TALDO1: variants seen among roughly 807,000 people sequenced by gnomAD.
TALDO1 encodes transaldolase.
A neutral mutation model predicts 38.1 loss-of-function variants in TALDO1; 29 were observed. The observed-to-expected ratio is 0.76, with a 90% CI of 0.57 to 1.04. The LOEUF is 1.04. TALDO1 is among the 50% of genes least tolerant of loss of function. The pLI is 0.00. For synonymous variants in TALDO1, 207 were observed against 176.8 expected, an observed-to-expected ratio of 1.17 and a Z score of -1.36; for missense variants, 499 against 438.1, an observed-to-expected ratio of 1.14 and a Z score of -1.24.
In TALDO1 at chr11:763,750, TAA is replaced by T. The variant is rs1259081430; in HGVS notation, c.643_644del (p.Lys215GlufsTer4). 1.9e-6 allele frequency: 3 copies of T among 1,613,690 alleles called. No individual in the cohort carries two copies. The highest frequency in any genetic ancestry group is 2.5e-6 in the Non-Finnish European group (3 of 1,179,906). On this transcript the variant is annotated frameshift_variant, in exon 6 of 8. Coordinates refer to ENST00000319006, the MANE Select transcript of TALDO1 (RefSeq NM_006755.2). LOFTEE classifies it high-confidence loss of function. ...TCACAGCTTGGTCTCTTTCCAGGGG[TAA>T]AGAGTGTCACTAAAATCTACAACTA... is the stretch of plus-strand genomic sequence containing the variant.
Position 762,516 on chromosome 11 carries a change from A to C in TALDO1, c.462-828A>C, listed in dbSNP as rs145267165. 6.6e-4 allele frequency among the ~76,000 whole-genome samples: 100 copies of C among 152,318 alleles called. No individual in the cohort carries two copies. In the Middle Eastern group the frequency reaches 0.017, roughly 26 times the overall value. On this transcript the variant is annotated intron_variant, in intron 4 of 7. Coordinates refer to ENST00000319006, the MANE Select transcript of TALDO1 (RefSeq NM_006755.2). ...ATGTGTTTTTGTTTCTCGTGGGCAT[A>C]TGCCTAGGAGTGGAGTCTCTGGGTG...
chr11:759,149 C>CCATG, intron 3 of TALDO1, 92 bp downstream of exon 3: 1 of 1,100,276 alleles, frequency 9.1e-7, no homozygotes, highest in Non-Finnish European at 1.4e-6. Flanking sequence ...GCTGCTCCAC[C>CCATG]CATGGTCTTC....
chr11:763,632 G>C, intron 5 of TALDO1, 113 bp downstream of exon 5: 1 of 1,570,652 alleles, frequency 6.4e-7, no homozygotes, highest in Non-Finnish European at 8.8e-7. Context: ...GCACAGGTCG[G>C]CGCGGGGCAG....
intron 1 of TALDO1, 105 bp downstream of exon 1, chr11:747,683 G>T: frequency 3.0e-6 from 3 of 1,007,730 alleles, no homozygotes; most frequent in Non-Finnish European, 4.2e-6. Flanking sequence ...GGGTGGCGGT[G>T]CCCCGGGCGG....
chr11:763,307 CTCACCT>C lies in TALDO1; in HGVS notation c.462-36_462-31del. ...GCCCCCGCCCTCACCTGTCCCCGCC[CTCACCT>C]GCCCCGCCCTCACCTGTCCCCGCCC... On this transcript the variant is annotated intron_variant, in intron 4 of 7. Coordinates refer to ENST00000319006, the MANE Select transcript of TALDO1 (RefSeq NM_006755.2). 3 of 756,904 alleles carry C rather than the reference CTCACCT, an allele frequency of 4.0e-6. 1 individual carries two copies. Among genetic ancestry groups the C allele is most frequent in the Non-Finnish European group, 5.3e-6 (3 of 566,266 alleles). 46.9% of individuals were successfully genotyped at this position (756,904 alleles called of 1,614,324 possible).
intron 3 of TALDO1, 129 bp from the exon 4 acceptor site, chr11:759,993 T>G: frequency 7.6e-7 from 1 of 1,316,280 alleles, no homozygotes; most frequent in Non-Finnish European, 1.1e-6. Flanking sequence ...GAGGGGAAGG[T>G]TGAGGGCAGT....
rs1481836219 is a variant in TALDO1 at position 755,802 on chromosome 11, T to C, written c.98-77T>C. ...TGGACTCCCCTAACGTCCTGGGGAATTACAGGGTTCCTTCACATGTTTCCA... is the reference window on the plus strand; with the variant it reads ...TGGACTCCCCTAACGTCCTGGGGAACTACAGGGTTCCTTCACATGTTTCCA... On this transcript the variant is annotated intron_variant, in intron 1 of 7. Coordinates refer to ENST00000319006, the MANE Select transcript of TALDO1 (RefSeq NM_006755.2). 3.1e-6 allele frequency: 5 copies of C among 1,610,204 alleles called. No homozygotes were observed. The African/African-American group carries it at 6.7e-5, about 22-fold the overall frequency.
At chr11:755,082 A>G (rs1050494836) in intron 1 of TALDO1, among the ~76,000 whole-genome samples, 1 of 149,886 alleles carries the variant, frequency 6.7e-6, no homozygotes, top group Non-Finnish European at 1.5e-5. Flanking sequence ...CTAGGCTTGC[A>G]GGTAATAATT....
At chr11:748,660 G>T (rs1209667325) in intron 1 of TALDO1, among the ~76,000 whole-genome samples, 1 of 152,168 alleles carries the variant, frequency 6.6e-6, no homozygotes, top group African/African-American at 2.4e-5. Flanking sequence ...TGTTTATCTA[G>T]CAGAGCCTAG....
rs752425020 is a variant in TALDO1 at position 755,950 on chromosome 11, G to A, written c.169G>A (p.Ala57Thr). The change falls in exon 2 of 8, where the codon GCT becomes ACT. Residue 57 changes from alanine (A) to threonine (T), a missense_variant. Physicochemically the swap from Ala to Thr is moderately conservative, Grantham distance 58. Coordinates refer to ENST00000319006, the MANE Select transcript of TALDO1 (RefSeq NM_006755.2). ...SLILAAAQMP[A>T]YQELVEEAIA... is the part of the protein sequence containing the mutation. ...GATCCTGGCCGCAGCACAGATGCCCGCTTACCAGGAGCTGGTGGAGGAGGC... is the reference window on the plus strand; with the variant it reads ...GATCCTGGCCGCAGCACAGATGCCCACTTACCAGGAGCTGGTGGAGGAGGC... 8.7e-6 allele frequency: 14 copies of A among 1,613,926 alleles called. No individual in the cohort carries two copies. Among genetic ancestry groups the A allele is most frequent in the East Asian group, 6.7e-5 (3 of 44,890 alleles).
At chr11:757,210 GTTA>G (rs1417028766) in intron 2 of TALDO1, among the ~76,000 whole-genome samples, 1 of 151,850 alleles carries the variant, frequency 6.6e-6, no homozygotes, top group African/African-American at 2.4e-5. Context: ...TGGTGCTCCT[GTTA>G]TTGGGTGACA....
rs1374740866 is a variant in TALDO1 at position 763,409 on chromosome 11, T to C, written c.527T>C (p.Val176Ala). 6.2e-7 allele frequency: 1 copy of C among 1,613,294 alleles called. No homozygotes were observed. The highest frequency in any genetic ancestry group is 2.2e-5 in the East Asian group (1 of 44,832). Residue 176 changes from valine to alanine, a missense_variant, in exon 5 of 8, where the codon GTG (valine) becomes GCG (alanine). Coordinates refer to ENST00000319006, the MANE Select transcript of TALDO1 (RefSeq NM_006755.2). ...TTACTCTTCTCCTTCGCCCAGGCTG[T>C]GGCCTGTGCCGAGGCGGGTGTGACC... ...MTLLFSFAQA[V>A]ACAEAGVTLI...
chr11:748,204 A>G (rs1331075469), intron 1 of TALDO1, among the ~76,000 whole-genome samples: 2 of 152,262 alleles, frequency 1.3e-5, no homozygotes, highest in Non-Finnish European at 2.9e-5. Flanking sequence ...AGCTCTGACC[A>G]GAAGCTGCCA....
chr11:749,815 G>A (rs1862721597), intron 1 of TALDO1, among the ~76,000 whole-genome samples: 1 of 152,206 alleles, frequency 6.6e-6, no homozygotes, highest in Non-Finnish European at 1.5e-5. Flanking sequence ...AGTGCATTCT[G>A]GCAGACCTGT....
chr11:747,587 G>A lies in TALDO1; in HGVS notation c.97+9G>A. ...CACGGGCGACTTCCACGGTGAGGAC[G>A]GCGCGGAGCCCGGGCGCGGCGCAAG... On this transcript the variant is annotated intron_variant, in intron 1 of 7. Coordinates refer to ENST00000319006, the MANE Select transcript of TALDO1 (RefSeq NM_006755.2). 6.4e-7 allele frequency: 1 copy of A among 1,563,274 alleles called. No individual in the cohort carries two copies. Among genetic ancestry groups the A allele is most frequent in the Non-Finnish European group, 8.6e-7 (1 of 1,157,562 alleles).
chr11:761,962 G>GT (rs538232832), intron 4 of TALDO1, among the ~76,000 whole-genome samples: 3 of 151,110 alleles, frequency 2.0e-5, no homozygotes, highest in African/African-American at 7.3e-5. Context: ...TCATTTGTGT[G>GT]TTTTTTTGTT....
At chr11:758,761 T>C (rs979920364) in intron 2 of TALDO1, among the ~76,000 whole-genome samples, 189 bp from the exon 3 acceptor site, 5 of 152,134 alleles carry the variant, frequency 3.3e-5, no homozygotes, top group African/African-American at 7.2e-5. Flanking sequence ...CCCGCCACCA[T>C]GCCCAGCTAA....
chr11:753,274 G>A (rs1474791495), intron 1 of TALDO1, among the ~76,000 whole-genome samples: 1 of 152,016 alleles, frequency 6.6e-6, no homozygotes, highest in African/African-American at 2.4e-5. Context: ...GCTCACACCT[G>A]TAACCCCAGC....
intron 4 of TALDO1, among the ~76,000 whole-genome samples, chr11:762,837 T>TCAG (rs1164499242): frequency 2.0e-5 from 3 of 152,240 alleles, no homozygotes; most frequent in African/African-American, 7.2e-5. Context: ...ACGGGCCTGC[T>TCAG]GCAGGGTGGC....
Sources: gnomAD v4.1 joint callset for allele counts (sites outside exome capture counted in the v4.1 genomes callset) on GRCh38, gnomAD v4.1.1 for gene constraint, MANE v1.5 for transcripts, NCBI Gene and HGNC (gene_info 2026-07-23, HGNC 2026-07-21) for gene names.